ME3: variants seen among roughly 807,000 people sequenced by gnomAD.
ME3 encodes NADP-dependent malic enzyme, mitochondrial.
In ME3, 48 loss-of-function variants were observed where a neutral mutation model predicts 68.9. The observed-to-expected ratio is 0.70, with a 90% CI of 0.55 to 0.89. The LOEUF (loss-of-function observed/expected upper bound fraction) is 0.89. Among genes scored for constraint, ME3 ranks in the 40% least tolerant of loss-of-function variants. The probability of loss-of-function intolerance (pLI) is 0.00; values close to 1 mark genes in which losing one functional copy is unlikely to be tolerated. For synonymous variants in ME3, 320 were observed against 318.8 expected, an observed-to-expected ratio of 1.00 and a Z score of -0.04; for missense variants, 675 against 797.4, an observed-to-expected ratio of 0.85 and a Z score of 1.85.
chr11:86,637,625 T>A (rs752055410), intron 2 of ME3, among the ~76,000 whole-genome samples: 1 of 152,122 alleles, frequency 6.6e-6, no homozygotes, highest in African/African-American at 2.4e-5. Flanking sequence ...TGAGGCTCGA[T>A]TGAGACACCC....
chr11:86,501,953 C>G (rs1393004286), intron 5 of ME3, among the ~76,000 whole-genome samples: 1 of 152,084 alleles, frequency 6.6e-6, no homozygotes, highest in Non-Finnish European at 1.5e-5. Flanking sequence ...TGAAGCATGC[C>G]CAGATATATC....
chr11:86,660,435 C>T (rs1452713818), intron 2 of ME3, among the ~76,000 whole-genome samples: 1 of 152,212 alleles, frequency 6.6e-6, no homozygotes, highest in Non-Finnish European at 1.5e-5. Context: ...ACATACATTA[C>T]TTCACTTAAT....
At chr11:86,638,740 T>C (rs767816924) in intron 2 of ME3, among the ~76,000 whole-genome samples, 8 of 152,218 alleles carry the variant, frequency 5.3e-5, no homozygotes, top group Non-Finnish European at 1.0e-4. Flanking sequence ...TTAGAACTGT[T>C]ATCCTCTTTC....
At chr11:86,491,361 T>G (rs1378019538) in intron 6 of ME3, among the ~76,000 whole-genome samples, 2 of 152,186 alleles carry the variant, frequency 1.3e-5, no homozygotes, top group African/African-American at 4.8e-5. Flanking sequence ...AAGGGGCAGC[T>G]CCTCACCCTC....
At chr11:86,560,748 G>GTGTGTATATATATATATATATATATA (rs1243025217) in intron 2 of ME3, among the ~76,000 whole-genome samples, 1 of 62,530 alleles carries the variant, frequency 1.6e-5, no homozygotes, top group African/African-American at 5.9e-5. Flanking sequence ...GTGTGTGTGT[G>GTGTGTATATATATATATATATATATA]TATATATATA....
intron 2 of ME3, among the ~76,000 whole-genome samples, chr11:86,579,804 C>G (rs1432534262): frequency 6.6e-6 from 1 of 152,104 alleles, no homozygotes; most frequent in Non-Finnish European, 1.5e-5. Flanking sequence ...TAATGCAGAT[C>G]TAAAATTAAT....
chr11:86,593,198 T>TA (rs1959157694), intron 2 of ME3, among the ~76,000 whole-genome samples: 4 of 116,842 alleles, frequency 3.4e-5, no homozygotes, highest in African/African-American at 9.7e-5. Flanking sequence ...TCCACCCTCC[T>TA]TCACTCACAT....
chr11:86,516,427 A>C (rs1239805622), intron 4 of ME3, among the ~76,000 whole-genome samples: 1 of 151,938 alleles, frequency 6.6e-6, no homozygotes, highest in Non-Finnish European at 1.5e-5. Flanking sequence ...TCACTCTGTC[A>C]CCCAGGCTGG....
intron 11 of ME3, among the ~76,000 whole-genome samples, chr11:86,447,855 CAAAAAAAAA>C (rs35352939): frequency 2.5e-5 from 3 of 120,790 alleles, no homozygotes; most frequent in Admixed American, 8.9e-5. Flanking sequence ...TAAACTCTGT[CAAAAAAAAA>C]AAAAAAAAAA....
chr11:86,509,404 ACACACAC>A (rs1565878496), intron 4 of ME3, among the ~76,000 whole-genome samples: 29 of 77,652 alleles, frequency 3.7e-4, no homozygotes, highest in Non-Finnish European at 3.5e-4. Flanking sequence ...ATCATCACAC[ACACACAC>A]ACACACACAC....
At chr11:86,449,014 G>A (rs746479348) in intron 10 of ME3, among the ~76,000 whole-genome samples, 3 of 152,208 alleles carry the variant, frequency 2.0e-5, no homozygotes, top group African/African-American at 4.8e-5. Context: ...CTGGAAAGAC[G>A]TAGGGGTGGG....
chr11:86,567,251 G>A (rs112605487), intron 2 of ME3, among the ~76,000 whole-genome samples: 68 of 75,034 alleles, frequency 9.1e-4, no homozygotes, highest in African/African-American at 2.4e-3. Flanking sequence ...AGAAAGGAAG[G>A]AAGGAAGGAA....
At chr11:86,665,980 G>A (rs1343938521) in intron 2 of ME3, among the ~76,000 whole-genome samples, 1 of 152,162 alleles carries the variant, frequency 6.6e-6, no homozygotes, top group East Asian at 1.9e-4. Flanking sequence ...AAAGGCTGAT[G>A]GTAGTGGGGA....
At chr11:86,671,515 C>A (rs780601257) in intron 2 of ME3, among the ~76,000 whole-genome samples, 124 of 152,254 alleles carry the variant, frequency 8.1e-4, no homozygotes, top group Non-Finnish European at 2.6e-4. Flanking sequence ...AGGATCTAAA[C>A]CTGGTCTGTG....
At chr11:86,444,584 A>G (rs1475022468) in intron 13 of ME3, among the ~76,000 whole-genome samples, 1 of 152,224 alleles carries the variant, frequency 6.6e-6, no homozygotes, top group African/African-American at 2.4e-5. Context: ...ATGTGTGATC[A>G]CATCTAAGAC....
At position 86,601,608 on chromosome 11, in the gene ME3, C is replaced by T. The variant is rs1445621869; in HGVS notation, c.184-41785G>A. 6.6e-5 allele frequency among the ~76,000 whole-genome samples: 10 copies of T among 152,072 alleles called. No homozygotes were observed. In the East Asian group the frequency reaches 1.9e-3, roughly 29 times the overall value. On this transcript the variant is annotated intron_variant, in intron 2 of 14. Transcript: ENST00000543262. ...ATCCTCCCTAACTCATTTTATGAGGCCAGCATCATCCTGATACCAAAGCCG... is the reference window on the plus strand; with the variant it reads ...ATCCTCCCTAACTCATTTTATGAGGTCAGCATCATCCTGATACCAAAGCCG...
At chr11:86,542,397 T>A (rs1594370927) in intron 4 of ME3, among the ~76,000 whole-genome samples, 1 of 152,134 alleles carries the variant, frequency 6.6e-6, no homozygotes, top group Admixed American at 6.5e-5. Flanking sequence ...GCAAGGAAGC[T>A]AAGAACCTTG....
rs143519095 is a variant in ME3 at position 86,614,667 on chromosome 11, T to C, written c.184-54844A>G. ...TAGCAACAGGCACCAACCAGGTGCC[T>C]ATGGATTTTTTTTCATAGTCTCTCA... On this transcript the variant is annotated intron_variant, in intron 2 of 14. Transcript: ENST00000543262. 2.3e-4 allele frequency among the ~76,000 whole-genome samples: 35 copies of C among 152,284 alleles called. No individual in the cohort carries two copies. The East Asian group carries it at 6.4e-3, about 28-fold the overall frequency.
chr11:86,567,719 C>G (rs117307465), intron 2 of ME3, among the ~76,000 whole-genome samples: 1 of 152,176 alleles, frequency 6.6e-6, no homozygotes, highest in Non-Finnish European at 1.5e-5. Context: ...CTTGAAGCTA[C>G]TTTTCATCCT....
Sources: gnomAD v4.1 joint callset for allele counts (sites outside exome capture counted in the v4.1 genomes callset) on GRCh38, gnomAD v4.1.1 for gene constraint, MANE v1.5 for transcripts, NCBI Gene and HGNC (gene_info 2026-07-23, HGNC 2026-07-21) for gene names.